The following LRP1B variants were observed in gnomAD, a reference collection of about 807,000 sequenced individuals.
LRP1B encodes the protein LDL receptor related protein 1B.
In LRP1B, 217 loss-of-function variants were observed where a neutral mutation model predicts 556.6. The observed-to-expected ratio is 0.39, with a 90% CI of 0.35 to 0.44. The LOEUF (loss-of-function observed/expected upper bound fraction) is 0.44. LRP1B is among the 20% of genes least tolerant of loss of function. LRP1B has a pLI of 1.00. For missense variants in LRP1B, 5,053 were observed against 5,620.8 expected (o/e 0.90, Z 3.23); for synonymous variants, 2,047 against 1,865.8 (o/e 1.10, Z -2.50).
chr2:140,329,788 G>T (rs546292840), intron 79 of LRP1B, among the ~76,000 whole-genome samples: 1 of 151,658 alleles, frequency 6.6e-6, no homozygotes, highest in East Asian at 2.0e-4. Flanking sequence ...TGGGTAGAAA[G>T]AATCAATATT....
At chr2:141,829,842 C>T (rs943576712) in intron 1 of LRP1B, among the ~76,000 whole-genome samples, 3 of 151,700 alleles carry the variant, frequency 2.0e-5, no homozygotes, top group Non-Finnish European at 2.9e-5. Flanking sequence ...TTTATTATGC[C>T]TCAACTAAAT....
At chr2:140,592,771 T>A (rs1240892329) in intron 43 of LRP1B, among the ~76,000 whole-genome samples, 2 of 152,104 alleles carry the variant, frequency 1.3e-5, no homozygotes, top group South Asian at 2.1e-4. Context: ...GAGACCCCCA[T>A]CACTACTCAA....
chr2:140,793,822 C>G (rs1690205853), intron 32 of LRP1B, among the ~76,000 whole-genome samples: 1 of 151,750 alleles, frequency 6.6e-6, no homozygotes, highest in African/African-American at 2.4e-5. Flanking sequence ...GAAGCGTACT[C>G]TTGAATCAGA....
chr2:140,969,739 G>T (rs560805480), intron 18 of LRP1B, among the ~76,000 whole-genome samples: 89 of 152,202 alleles, frequency 5.8e-4, no homozygotes, highest in African/African-American at 2.1e-3. Flanking sequence ...AAATCTCTCA[G>T]CATTTGCTTG....
intron 1 of LRP1B, among the ~76,000 whole-genome samples, chr2:141,921,601 TTATAAA>T (rs1406299371): frequency 8.7e-4 from 133 of 152,142 alleles, no homozygotes; most frequent in African/African-American, 3.1e-3. Flanking sequence ...TGAATTATTT[TTATAAA>T]TATAAGTTCA....
At chr2:142,114,720 A>G (rs1413304620) in intron 1 of LRP1B, among the ~76,000 whole-genome samples, 2 of 152,118 alleles carry the variant, frequency 1.3e-5, no homozygotes, top group African/African-American at 2.4e-5. Flanking sequence ...ATGAAGGTAG[A>G]GAGTAGAGCA....
At chr2:141,505,031 A>C (rs1281296761) in intron 2 of LRP1B, among the ~76,000 whole-genome samples, 1 of 152,022 alleles carries the variant, frequency 6.6e-6, no homozygotes, top group Non-Finnish European at 1.5e-5. Context: ...TACTTGTATT[A>C]GTATCACAAT....
chr2:141,918,255 G>A (rs1700090482), intron 1 of LRP1B, among the ~76,000 whole-genome samples: 1 of 151,846 alleles, frequency 6.6e-6, no homozygotes, highest in African/African-American at 2.4e-5. Flanking sequence ...ATATACTTCT[G>A]CATTGCTCGA....
intron 2 of LRP1B, among the ~76,000 whole-genome samples, chr2:141,575,242 G>C (rs1686692937): frequency 6.6e-6 from 1 of 152,162 alleles, no homozygotes; most frequent in Admixed American, 6.5e-5. Context: ...AAAACAGCAT[G>C]GTATTGGTAC....
intron 2 of LRP1B, among the ~76,000 whole-genome samples, chr2:141,753,668 C>A (rs1333263469): frequency 6.6e-6 from 1 of 152,102 alleles, no homozygotes; most frequent in Non-Finnish European, 1.5e-5. Context: ...AACATCAAGT[C>A]ACTTCGTTAT....
intron 1 of LRP1B, among the ~76,000 whole-genome samples, chr2:141,874,902 C>G (rs1698706662): frequency 6.6e-6 from 1 of 151,758 alleles, no homozygotes; most frequent in South Asian, 2.1e-4. Flanking sequence ...TAACTGTGCA[C>G]CTTTGCTCTT....
chr2:141,285,334 G>T (rs974451470), intron 3 of LRP1B, among the ~76,000 whole-genome samples: 1 of 151,108 alleles, frequency 6.6e-6, no homozygotes, highest in Non-Finnish European at 1.5e-5. Context: ...TTTTCCACCC[G>T]CCTCGGCCTC....
At chr2:140,883,781 TGCCAAAA>T in intron 25 of LRP1B, 29 bp downstream of exon 25, 1 of 1,564,364 alleles carries the variant, frequency 6.4e-7, no homozygotes, top group Admixed American at 1.8e-5. Flanking sequence ...CTATTTTTTA[TGCCAAAA>T]TCAATCTATA....
chr2:140,597,265 A>C (rs1682479579), intron 43 of LRP1B, among the ~76,000 whole-genome samples: 1 of 152,128 alleles, frequency 6.6e-6, no homozygotes, highest in Non-Finnish European at 1.5e-5. Context: ...TGTCAGAAAA[A>C]ATCCTTTAAA....
At chr2:141,260,207 C>A (rs570868562) in intron 3 of LRP1B, among the ~76,000 whole-genome samples, 1 of 152,242 alleles carries the variant, frequency 6.6e-6, no homozygotes, top group African/African-American at 2.4e-5. Context: ...GGATTTTCTA[C>A]ATTGATCTCT....
chr2:141,461,525 G>A (rs1364830922), intron 3 of LRP1B, among the ~76,000 whole-genome samples: 4 of 152,024 alleles, frequency 2.6e-5, no homozygotes, highest in Admixed American at 2.6e-4. Context: ...TCTAATAAGT[G>A]GTATCTATAC....
chr2:141,040,521 T>G (rs1001775737), intron 11 of LRP1B, among the ~76,000 whole-genome samples: 5 of 152,024 alleles, frequency 3.3e-5, no homozygotes, highest in Admixed American at 1.3e-4. Flanking sequence ...ACAGATTACA[T>G]CCTGTAATCT....
intron 1 of LRP1B, among the ~76,000 whole-genome samples, chr2:142,015,851 G>A (rs988950943): frequency 2.6e-5 from 4 of 151,788 alleles, no homozygotes; most frequent in African/African-American, 9.7e-5. Context: ...AATTAGCCGG[G>A]CGTGGTGGCG....
chr2:141,991,101 T>TA (rs1702331319), intron 1 of LRP1B, among the ~76,000 whole-genome samples: 1 of 152,086 alleles, frequency 6.6e-6, no homozygotes, highest in African/African-American at 2.4e-5. Context: ...ATTCAATTAA[T>TA]ATGGTGAGGT....
Sources: gnomAD v4.1 joint callset for allele counts (sites outside exome capture counted in the v4.1 genomes callset) on GRCh38, gnomAD v4.1.1 for gene constraint, MANE v1.5 for transcripts, NCBI Gene and HGNC (gene_info 2026-07-23, HGNC 2026-07-21) for gene names.